The following BRINP1 variants were observed in gnomAD, a reference collection of about 807,000 sequenced individuals.
The protein encoded by BRINP1 is BMP/retinoic acid inducible neural specific 1.
In BRINP1, 17 loss-of-function variants were observed where a neutral mutation model predicts 72.9. That is an observed-to-expected ratio of 0.23 (90% CI 0.16 to 0.35). The LOEUF (loss-of-function observed/expected upper bound fraction) is 0.35. Among genes scored for constraint, BRINP1 ranks in the 10% least tolerant of loss-of-function variants. The probability of loss-of-function intolerance (pLI) is 1.00; values close to 1 mark genes in which losing one functional copy is unlikely to be tolerated. For synonymous variants in BRINP1, 418 were observed against 378.5 expected, an observed-to-expected ratio of 1.10 and a Z score of -1.21; for missense variants, 850 against 1,001.6, an observed-to-expected ratio of 0.85 and a Z score of 2.04.
chr9:119,236,777 TC>T (rs1349010633), intron 5 of BRINP1, among the ~76,000 whole-genome samples: 5 of 152,188 alleles, frequency 3.3e-5, no homozygotes, highest in African/African-American at 1.2e-4. Flanking sequence ...AGTAAATCTT[TC>T]TGTCTACTCT....
At chr9:119,270,674 G>T (rs767238528) in intron 2 of BRINP1, among the ~76,000 whole-genome samples, 2 of 152,172 alleles carry the variant, frequency 1.3e-5, no homozygotes, top group Non-Finnish European at 2.9e-5. Flanking sequence ...AATGAAAGGG[G>T]TAGTCAGAAG....
Position 119,182,292 on chromosome 9 carries a change from G to A in BRINP1, c.1146-14068C>T, listed in dbSNP as rs149795635. Among the ~76,000 whole-genome samples, 718 of 152,212 alleles carry A rather than the reference G, an allele frequency of 4.7e-3. 13 individuals are homozygous for A. Among genetic ancestry groups the A allele is most frequent in the Admixed American group, 0.038 (586 of 15,288 alleles). On this transcript the variant is annotated intron_variant, in intron 7 of 7. Coordinates refer to ENST00000265922, the MANE Select transcript of BRINP1 (RefSeq NM_014618.3). Reference sequence around the variant, plus strand: ...CAAAGATTTCTTAAAAGTGCTCACCGTAAAAGAAGATAATTGATTAACAGG... The same window carrying A: ...CAAAGATTTCTTAAAAGTGCTCACCATAAAAGAAGATAATTGATTAACAGG...
In BRINP1 at chr9:119,167,740, T is replaced by C; in HGVS notation, c.1630A>G (p.Met544Val). Residue 544 changes from methionine to valine, a missense_variant, in exon 8 of 8, where the codon ATG becomes GTG. Coordinates refer to ENST00000265922, the MANE Select transcript of BRINP1 (RefSeq NM_014618.3). This position sits in a 1 kb window ranked among gnomAD's most constrained non-coding sequence, Gnocchi z 4.3. The stretch of plus-strand genomic sequence containing the variant: ...CGCATCTGGCAGATGCGCATGGACA[T>C]GCCGATCACCATGTGGATGAAGTCC... ...RMDFIHMVIGMSMRICQMRNS... is the reference protein window; with the variant it reads ...RMDFIHMVIGVSMRICQMRNS... The C allele has an allele frequency of 1.9e-6, 3 of 1,614,062 alleles. No homozygotes were observed. The highest frequency in any genetic ancestry group is 1.1e-5 in the South Asian group (1 of 91,080).
At chr9:119,308,618 C>T (rs749671332) in intron 2 of BRINP1, among the ~76,000 whole-genome samples, 10 of 152,130 alleles carry the variant, frequency 6.6e-5, no homozygotes, top group South Asian at 2.1e-4. Flanking sequence ...GTGAAACACA[C>T]GAAGAAATTA....
At chr9:119,179,627 C>A (rs1006830679) in intron 7 of BRINP1, among the ~76,000 whole-genome samples, 5 of 152,146 alleles carry the variant, frequency 3.3e-5, no homozygotes, top group Admixed American at 6.5e-5. Context: ...CTCACATCAA[C>A]CCCATGAGAT....
At chr9:119,262,400 G>A (rs1168854573) in intron 2 of BRINP1, among the ~76,000 whole-genome samples, 3 of 152,050 alleles carry the variant, frequency 2.0e-5, no homozygotes, top group Admixed American at 2.0e-4. Flanking sequence ...TTGGGAGGTC[G>A]AGGCGGGCGG....
chr9:119,200,422 G>C (rs1232322722), intron 7 of BRINP1, among the ~76,000 whole-genome samples: 5 of 152,020 alleles, frequency 3.3e-5, no homozygotes, highest in Non-Finnish European at 5.9e-5. Flanking sequence ...AGAAGTTTGA[G>C]ACCAACATGG....
chr9:119,293,908 T>C (rs894550162), intron 2 of BRINP1, among the ~76,000 whole-genome samples: 1 of 152,062 alleles, frequency 6.6e-6, no homozygotes, highest in African/African-American at 2.4e-5. Flanking sequence ...AGCTGAGTAA[T>C]TAGACAAGAA....
intron 1 of BRINP1, among the ~76,000 whole-genome samples, chr9:119,358,161 AAATGAG>A (rs1831588156): frequency 6.6e-6 from 1 of 152,194 alleles, no homozygotes; most frequent in Non-Finnish European, 1.5e-5. Context: ...CTAATAAAAT[AAATGAG>A]AATAAGGATG....
chr9:119,170,326 T>A (rs937700102), intron 7 of BRINP1, among the ~76,000 whole-genome samples: 2 of 151,678 alleles, frequency 1.3e-5, no homozygotes, highest in Non-Finnish European at 2.9e-5. Flanking sequence ...GAGAACTACG[T>A]GTAGAATGCA....
intron 2 of BRINP1, among the ~76,000 whole-genome samples, chr9:119,252,821 C>T (rs1207397233): frequency 1.3e-5 from 2 of 152,036 alleles, no homozygotes; most frequent in African/African-American, 2.4e-5. Context: ...AGAATGATGC[C>T]ACCCCCACCA....
intron 7 of BRINP1, among the ~76,000 whole-genome samples, chr9:119,194,603 G>A (rs1829715637): frequency 6.6e-6 from 1 of 152,208 alleles, no homozygotes; most frequent in Non-Finnish European, 1.5e-5. Flanking sequence ...AGGACTCCAT[G>A]CATCTTTATT....
chr9:119,312,366 G>A (rs1831077075), intron 2 of BRINP1, among the ~76,000 whole-genome samples: 1 of 152,248 alleles, frequency 6.6e-6, no homozygotes, highest in Non-Finnish European at 1.5e-5. Context: ...TTCTGTATAG[G>A]TCATTCCCTC....
At chr9:119,230,096 T>C (rs1393134795) in intron 5 of BRINP1, among the ~76,000 whole-genome samples, 1 of 148,300 alleles carries the variant, frequency 6.7e-6, no homozygotes, top group African/African-American at 2.4e-5. Flanking sequence ...AGTTCAGGAA[T>C]TGGAGAAAGG....
intron 7 of BRINP1, among the ~76,000 whole-genome samples, chr9:119,178,939 A>G (rs1829521955): frequency 6.6e-6 from 1 of 152,200 alleles, no homozygotes; most frequent in Non-Finnish European, 1.5e-5. Context: ...TGAAGGGCCT[A>G]TTATCACATT....
Position 119,313,266 on chromosome 9 carries a change from TGTC to T in BRINP1, c.87_89del (p.Thr30del). On this transcript the variant is annotated inframe_deletion, in exon 2 of 8. Transcript: ENST00000265922. ...CAAATTCCTTGGAGACATGTTGGTCTGTCCCAGCTGGTTCCTGGTGGGAGGGCT... is the reference window on the plus strand; with the variant it reads ...CAAATTCCTTGGAGACATGTTGGTCTCCAGCTGGTTCCTGGTGGGAGGGCT... 6.2e-7 allele frequency: 1 copy of T among 1,614,184 alleles called. No homozygotes were observed. Among genetic ancestry groups the T allele is most frequent in the Non-Finnish European group, 8.5e-7 (1 of 1,180,036 alleles).
intron 1 of BRINP1, among the ~76,000 whole-genome samples, chr9:119,346,214 A>AT (rs1486515988): frequency 1.3e-5 from 2 of 152,234 alleles, no homozygotes; most frequent in African/African-American, 4.8e-5. Context: ...TGGGCAAGAC[A>AT]TTACCAAGAT....
intron 2 of BRINP1, among the ~76,000 whole-genome samples, chr9:119,251,562 G>GT (rs371882332): frequency 6.0e-4 from 91 of 152,234 alleles, no homozygotes; most frequent in African/African-American, 2.1e-3. Flanking sequence ...GGACAACATA[G>GT]TGAGACCTTG....
At chr9:119,332,734 C>T (rs1196053203) in intron 1 of BRINP1, among the ~76,000 whole-genome samples, 3 of 152,150 alleles carry the variant, frequency 2.0e-5, no homozygotes, top group Admixed American at 6.5e-5. Context: ...ACCCCCCTTC[C>T]CCACTGAACT....
Sources: allele counts gnomAD v4.1 joint callset (sites outside exome capture counted in the v4.1 genomes callset), GRCh38; gene constraint gnomAD v4.1.1; non-coding constraint Gnocchi (gnomAD v3.1); transcripts MANE v1.5; gene names NCBI Gene and HGNC (gene_info 2026-07-23, HGNC 2026-07-21).